Variants in RNF220 observed in about 807,000 individuals in gnomAD.
RNF220 encodes ring finger protein 220.
Under a neutral mutation model 67.1 loss-of-function variants are expected in RNF220, and 7 were observed. The observed-to-expected ratio is 0.10, with a 90% CI of 0.06 to 0.20. RNF220 has a LOEUF of 0.20. Among genes scored for constraint, RNF220 ranks in the 10% least tolerant of loss-of-function variants. RNF220 has a pLI of 1.00. For synonymous variants in RNF220, 270 were observed against 283.2 expected (o/e 0.95, Z 0.47); for missense variants, 565 against 740.3 (o/e 0.76, Z 2.75).
At chr1:44,472,989 C>T (rs1012384693) in intron 2 of RNF220, among the ~76,000 whole-genome samples, 4 of 152,164 alleles carry the variant, frequency 2.6e-5, no homozygotes, top group Non-Finnish European at 4.4e-5. Flanking sequence ...ATATTCATGT[C>T]TCTAGACCAT....
At chr1:44,472,255 C>T (rs914914365) in intron 2 of RNF220, among the ~76,000 whole-genome samples, 5 of 152,146 alleles carry the variant, frequency 3.3e-5, no homozygotes, top group South Asian at 2.1e-4. Flanking sequence ...TGCTGGGTCA[C>T]GTGATAACTG....
chr1:44,461,884 A>G (rs1346022977), intron 2 of RNF220, among the ~76,000 whole-genome samples: 1 of 150,576 alleles, frequency 6.6e-6, no homozygotes, highest in Non-Finnish European at 1.5e-5. Flanking sequence ...AGTGTATACA[A>G]TTGTAAATGT....
At chr1:44,570,268 C>T (rs753593460) in intron 2 of RNF220, among the ~76,000 whole-genome samples, 4 of 152,196 alleles carry the variant, frequency 2.6e-5, no homozygotes, top group Non-Finnish European at 4.4e-5. Flanking sequence ...CCTTCCATGA[C>T]GCCTTTACTG....
intron 5 of RNF220, chr1:44,632,009 C>A: frequency 9.7e-7 from 1 of 1,026,640 alleles, no homozygotes; most frequent in Non-Finnish European, 1.2e-6. Context: ...GCTGAAGTGC[C>A]GCCGCCGCCG....
intron 1 of RNF220, chr1:44,408,737 T>A (rs1387572361): frequency 1.3e-5 from 2 of 151,934 alleles, no homozygotes; most frequent in Non-Finnish European, 2.9e-5. Context: ...TGTGTGTGCA[T>A]TTTAATTGCC....
chr1:44,618,207 A>C lies in RNF220; in HGVS notation c.758+3910A>C, dbSNP rs148202932. On this transcript the variant is annotated intron_variant, in intron 3 of 14. Transcript: ENST00000361799. Reference sequence around the variant, plus strand: ...TTCAGACACACTCACGGGCTCACAGAGAGAAGCAGGAACCTTCCAGCTCCA... The same window carrying C: ...TTCAGACACACTCACGGGCTCACAGCGAGAAGCAGGAACCTTCCAGCTCCA... Among the ~76,000 whole-genome samples the C allele has an allele frequency of 3.0e-3, 459 of 152,340 alleles. 3 individuals are homozygous for C. The highest frequency in any genetic ancestry group is 0.01 in the African/African-American group (436 of 41,576).
intron 4 of RNF220, among the ~76,000 whole-genome samples, chr1:44,626,082 G>T (rs374520070): frequency 6.6e-6 from 1 of 152,056 alleles, no homozygotes; most frequent in African/African-American, 2.4e-5. Context: ...GGTCCCTCAA[G>T]GGGTCTCTAC....
rs1050993854 is a variant in RNF220 at position 44,417,889 on chromosome 1, A to T, written c.625+5167A>T. Among the ~76,000 whole-genome samples the T allele has an allele frequency of 1.3e-5, 2 of 151,398 alleles. No homozygotes were observed. Among genetic ancestry groups the T allele is most frequent in the African/African-American group, 4.9e-5 (2 of 41,158 alleles). On this transcript the variant is annotated intron_variant, in intron 2 of 14. Transcript: ENST00000361799. This position sits in a 1 kb window ranked among gnomAD's most constrained non-coding sequence, Gnocchi z 4.0. ...GCAAGTGGTTTCAGAAATGTTGGTG[A>T]TCTCGCCGTCGCTCTGCAGCACTTG... is the stretch of plus-strand genomic sequence containing the variant.
intron 2 of RNF220, among the ~76,000 whole-genome samples, chr1:44,544,724 T>C (rs11803094): frequency 0.041 from 6,257 of 152,324 alleles, 205 homozygotes; most frequent in South Asian, 0.11. Flanking sequence ...TTCCAAGACA[T>C]GTTTGTTTCT....
intron 2 of RNF220, among the ~76,000 whole-genome samples, chr1:44,488,953 A>T (rs1656606784): frequency 6.6e-6 from 1 of 151,568 alleles, no homozygotes; most frequent in South Asian, 2.1e-4. Context: ...CCAGTCTCTA[A>T]CTCCTGGCCT....
At chr1:44,454,353 A>G (rs1652965522) in intron 2 of RNF220, among the ~76,000 whole-genome samples, 1 of 152,180 alleles carries the variant, frequency 6.6e-6, no homozygotes, top group Non-Finnish European at 1.5e-5. Context: ...GTCAATTTGT[A>G]AATTTATGTA....
intron 2 of RNF220, among the ~76,000 whole-genome samples, chr1:44,564,331 G>A (rs932089801): frequency 6.6e-6 from 1 of 152,164 alleles, no homozygotes; most frequent in Non-Finnish European, 1.5e-5. Flanking sequence ...CCCTAGTTAG[G>A]TGGGGCTTTT....
Position 44,636,023 on chromosome 1 carries a change from T to C in RNF220, c.994-7T>C, listed in dbSNP as rs1644317412. On this transcript the variant is annotated splice_polypyrimidine_tract_variant and splice_region_variant and intron_variant, in intron 7 of 14. Transcript: ENST00000361799. ...GGCCCAGCATGATCCTGCTCTGCTC[T>C]TCACAGAGGGAAGGCTCCTGCATGG... The C allele has an allele frequency of 1.2e-6, 2 of 1,614,200 alleles. No homozygotes were observed. Among genetic ancestry groups the C allele is most frequent in the Non-Finnish European group, 1.7e-6 (2 of 1,180,010 alleles).
intron 2 of RNF220, among the ~76,000 whole-genome samples, chr1:44,496,671 T>G (rs1657373165): frequency 6.6e-6 from 1 of 152,170 alleles, no homozygotes; most frequent in Non-Finnish European, 1.5e-5. Flanking sequence ...GGTTTTCTAG[T>G]CCAGGGTGGT....
intron 2 of RNF220, among the ~76,000 whole-genome samples, chr1:44,570,087 G>T (rs549378032): frequency 2.0e-4 from 30 of 152,310 alleles, no homozygotes; most frequent in African/African-American, 6.7e-4. Flanking sequence ...GGTCCGAATG[G>T]AAGCGATGGG....
chr1:44,449,015 C>G (rs947564325), intron 2 of RNF220, among the ~76,000 whole-genome samples: 13 of 152,332 alleles, frequency 8.5e-5, no homozygotes, highest in African/African-American at 3.1e-4. Flanking sequence ...CACTGTACAA[C>G]CACACCTCAA....
rs548626051 is a variant in RNF220, at chr1:44,450,774, G to A, written c.625+38052G>A. On this transcript the variant is annotated intron_variant, in intron 2 of 14. Transcript: ENST00000361799. ...TCATAATTGCAATCAACGCTGCAGC[G>A]AACTTTTGGCACATAGGTTTTTATA... Among the ~76,000 whole-genome samples, 17 of 152,264 alleles carry A rather than the reference G, an allele frequency of 1.1e-4. 1 individual carries two copies. The South Asian group carries it at 1.9e-3, about 17-fold the overall frequency.
rs192245508 is a variant in RNF220 at position 44,627,281 on chromosome 1, G to T, written c.906+883G>T. ...AATCACTTGAACCCGGGAGGCAGAG[G>T]TTGCAGTGAGCTGAGACCACGCCAT... On this transcript the variant is annotated intron_variant, in intron 5 of 14. Coordinates refer to ENST00000361799, the MANE Select transcript of RNF220 (RefSeq NM_018150.4). Among the ~76,000 whole-genome samples, 103 of 142,446 alleles carry T rather than the reference G, an allele frequency of 7.2e-4. 2 individuals carry two copies. The South Asian group carries it at 9.0e-3, about 12-fold the overall frequency. The allele number at this position is 142,446 out of a possible 152,430, so 93.5% of individuals were successfully genotyped here.
At chr1:44,535,947 A>T (rs1046294594) in intron 2 of RNF220, among the ~76,000 whole-genome samples, 1 of 152,186 alleles carries the variant, frequency 6.6e-6, no homozygotes, top group African/African-American at 2.4e-5. Flanking sequence ...ATTTTCCTTC[A>T]GCCTGGGGAG....
Sources: allele counts gnomAD v4.1 joint callset (sites outside exome capture counted in the v4.1 genomes callset), GRCh38; gene constraint gnomAD v4.1.1; non-coding constraint Gnocchi (gnomAD v3.1); transcripts MANE v1.5; gene names NCBI Gene and HGNC (gene_info 2026-07-23, HGNC 2026-07-21).